ERBIN: variants seen among roughly 807,000 people sequenced by gnomAD.
ERBIN encodes the protein densin-180-like protein.
ERBIN carries 60 observed loss-of-function variants against 158.4 expected under a neutral mutation model. The ratio of observed to expected loss-of-function variants is 0.38; its 90% CI spans 0.31 to 0.47. The LOEUF is 0.47. Ranked by LOEUF, ERBIN falls within the 20% of genes least tolerant of loss-of-function variation. The pLI is 0.99. For missense variants in ERBIN, 1,610 were observed against 1,648.0 expected, an observed-to-expected ratio of 0.98 and a Z score of 0.40; for synonymous variants, 594 against 557.2, an observed-to-expected ratio of 1.07 and a Z score of -0.93.
At chr5:66,013,935 A>G (rs1435317628) in intron 6 of ERBIN, among the ~76,000 whole-genome samples, 1 of 152,150 alleles carries the variant, frequency 6.6e-6, no homozygotes, top group Non-Finnish European at 1.5e-5. Flanking sequence ...TAGCATTCTA[A>G]AATGATTTAA....
intron 14 of ERBIN, among the ~76,000 whole-genome samples, chr5:66,034,812 G>T (rs1429037638): frequency 2.6e-5 from 4 of 152,124 alleles, no homozygotes; most frequent in African/African-American, 9.7e-5. Context: ...AGGATTTTGG[G>T]CTGTAGTTTT....
chr5:65,933,575 C>T lies in ERBIN; in HGVS notation c.-58+6769C>T, dbSNP rs184075294. On this transcript the variant is annotated intron_variant, in intron 1 of 25. Transcript: ENST00000284037. ...ACTATGGTTTTGCTCTCTGGCTGAC[C>T]GCTCAGGATATGCTTCTCTTAATCC... 3.9e-3 allele frequency among the ~76,000 whole-genome samples: 596 copies of T among 152,244 alleles called. 2 individuals are homozygous for T. The highest frequency in any genetic ancestry group is 5.7e-3 in the Non-Finnish European group (391 of 68,022).
At chr5:65,963,760 T>G (rs1337234898) in intron 1 of ERBIN, among the ~76,000 whole-genome samples, 1 of 151,720 alleles carries the variant, frequency 6.6e-6, no homozygotes, top group Non-Finnish European at 1.5e-5. Flanking sequence ...ATAAGTGATT[T>G]GCGTTTTTGG....
intron 13 of ERBIN, among the ~76,000 whole-genome samples, chr5:66,027,534 T>C (rs773233000): frequency 6.6e-5 from 10 of 152,064 alleles, no homozygotes; most frequent in Non-Finnish European, 1.3e-4. Flanking sequence ...AAAAAAATTG[T>C]GTCAGTACTG....
intron 22 of ERBIN, 121 bp downstream of exon 22, chr5:66,072,412 T>G (rs1761612375): frequency 1.0e-6 from 1 of 962,794 alleles, no homozygotes; most frequent in African/African-American, 1.7e-5. Context: ...CCCCCTTTAT[T>G]AGTAAGGATT....
chr5:66,039,336 A>G (rs1337892233), intron 15 of ERBIN, among the ~76,000 whole-genome samples: 2 of 151,910 alleles, frequency 1.3e-5, no homozygotes, highest in Non-Finnish European at 2.9e-5. Flanking sequence ...AGCATTTCAC[A>G]TAAGGGATGC....
intron 21 of ERBIN, among the ~76,000 whole-genome samples, chr5:66,057,493 TAA>T (rs1759725088): frequency 6.6e-6 from 1 of 152,204 alleles, no homozygotes; most frequent in South Asian, 2.1e-4. Context: ...TTATTTTTCT[TAA>T]AAATTTATAG....
intron 25 of ERBIN, 68 bp downstream of exon 25, chr5:66,077,017 T>A: frequency 1.6e-6 from 2 of 1,237,902 alleles, no homozygotes; most frequent in Non-Finnish European, 2.3e-6. Context: ...TTAAAATGTT[T>A]TCACTTTAAC....
At chr5:65,960,363 C>G (rs1030432578) in intron 1 of ERBIN, among the ~76,000 whole-genome samples, 1 of 152,122 alleles carries the variant, frequency 6.6e-6, no homozygotes, top group African/African-American at 2.4e-5. Flanking sequence ...CAGGAGGGTA[C>G]TTTCTGAGTA....
At chr5:65,956,804 G>A (rs1443235852) in intron 1 of ERBIN, among the ~76,000 whole-genome samples, 3 of 152,116 alleles carry the variant, frequency 2.0e-5, no homozygotes, top group South Asian at 2.1e-4. Flanking sequence ...GAAGCACAAC[G>A]TAGCTGGAGT....
chr5:65,985,293 A>G (rs941597034), intron 1 of ERBIN, among the ~76,000 whole-genome samples: 1 of 152,178 alleles, frequency 6.6e-6, no homozygotes, highest in African/African-American at 2.4e-5. Flanking sequence ...GGGTTTCACC[A>G]TGTTGGCCAG....
chr5:66,076,378 T>C lies in ERBIN; in HGVS notation c.4026T>C (p.Gly1342=). The change falls in exon 24 of 26, where the codon GGT becomes GGC. Residue 1342 remains glycine (G), a synonymous_variant. Coordinates refer to ENST00000284037, the MANE Select transcript of ERBIN (RefSeq NM_001253697.2). The part of the protein sequence containing the change: ...LGFSISGGVG[G]RGNPFRPDDD... Reference sequence around the variant, plus strand: ...TTAGCATATCAGGTGGTGTCGGGGGTAGAGGAAACCCATTCAGACCTGATG... The same window carrying C: ...TTAGCATATCAGGTGGTGTCGGGGGCAGAGGAAACCCATTCAGACCTGATG... 1 of 1,613,546 alleles carries C rather than the reference T, an allele frequency of 6.2e-7. No homozygotes were observed. Among genetic ancestry groups the C allele is most frequent in the East Asian group, 2.2e-5 (1 of 44,770 alleles).
intron 2 of ERBIN, among the ~76,000 whole-genome samples, chr5:65,990,711 G>T (rs1189753151): frequency 6.6e-6 from 1 of 151,746 alleles, no homozygotes; most frequent in Non-Finnish European, 1.5e-5. Context: ...TTTATCTAAA[G>T]AACTTAGCAC....
intron 3 of ERBIN, among the ~76,000 whole-genome samples, chr5:65,993,542 C>T (rs1221821137): frequency 3.3e-5 from 5 of 151,966 alleles, no homozygotes; most frequent in Admixed American, 3.3e-4. Context: ...TCTCATTATC[C>T]TATTTCAATT....
In ERBIN at chr5:65,975,839, C is replaced by G. The variant is rs564161573; in HGVS notation, c.-57-12796C>G. Among the ~76,000 whole-genome samples, 24 of 152,202 alleles carry G rather than the reference C, an allele frequency of 1.6e-4. 1 individual carries two copies. The South Asian group carries it at 4.1e-3, about 26-fold the overall frequency. On this transcript the variant is annotated intron_variant, in intron 1 of 25. Coordinates refer to ENST00000284037, the MANE Select transcript of ERBIN (RefSeq NM_001253697.2). ...TTTTAAGATGAGAGACAAAATATAC[C>G]TGCTTGGTATAGCATATTGCTGTGT...
At chr5:65,935,977 C>T (rs923771855) in intron 1 of ERBIN, among the ~76,000 whole-genome samples, 2 of 152,136 alleles carry the variant, frequency 1.3e-5, no homozygotes, top group African/African-American at 4.8e-5. Context: ...CCTTCCACCT[C>T]GAACCTCCCA....
At chr5:66,014,612 AATTT>A in intron 6 of ERBIN, 53 bp from the exon 7 acceptor site, 3 of 827,198 alleles carry the variant, frequency 3.6e-6, no homozygotes, top group Non-Finnish European at 5.6e-6. Flanking sequence ...ATATGAAATT[AATTT>A]ATTAAATTCA....
At position 66,028,259 on chromosome 5, in the gene ERBIN, A is replaced by T; in HGVS notation, c.1137-15A>T. ...ATTTTAAAGTTTAATTTTTGTTTGT[A>T]TTTTTTTCCTACAGATTAAAGAATT... On this transcript the variant is annotated splice_polypyrimidine_tract_variant and intron_variant, in intron 13 of 25. Coordinates refer to ENST00000284037, the MANE Select transcript of ERBIN (RefSeq NM_001253697.2). 1 of 1,590,768 alleles carries T rather than the reference A, an allele frequency of 6.3e-7. No individual in the cohort carries two copies. Among genetic ancestry groups the T allele is most frequent in the Non-Finnish European group, 8.6e-7 (1 of 1,164,176 alleles).
chr5:66,042,441 G>T (rs575585801), intron 15 of ERBIN, among the ~76,000 whole-genome samples: 98 of 150,828 alleles, frequency 6.5e-4, no homozygotes, highest in Admixed American at 5.3e-4. Context: ...ATTTTTTTTT[G>T]ACTTCGGAAT....
Sources: allele counts gnomAD v4.1 joint callset (sites outside exome capture counted in the v4.1 genomes callset), GRCh38; gene constraint gnomAD v4.1.1; transcripts MANE v1.5; gene names NCBI Gene and HGNC (gene_info 2026-07-23, HGNC 2026-07-21).